The following CAPZB variants were observed in gnomAD, a reference collection of about 807,000 sequenced individuals.
CAPZB encodes the protein F-actin-capping protein subunit beta.
CAPZB carries 2 observed loss-of-function variants against 38.1 expected under a neutral mutation model. That is an observed-to-expected ratio of 0.05 (90% CI 0.02 to 0.17). The LOEUF is 0.17. Among genes scored for constraint, CAPZB ranks in the 10% least tolerant of loss-of-function variants. The pLI, the probability that CAPZB is intolerant of heterozygous loss-of-function variation, is 1.00. For missense variants in CAPZB, 161 were observed against 334.2 expected (o/e 0.48, Z 4.04); for synonymous variants, 107 against 127.4 (o/e 0.84, Z 1.08).
At chr1:19,374,004 C>T (rs2094132567) in intron 4 of CAPZB, among the ~76,000 whole-genome samples, 2 of 152,202 alleles carry the variant, frequency 1.3e-5, no homozygotes, top group African/African-American at 4.8e-5. Context: ...AAGGACAAAG[C>T]TAATGGGTTA....
At chr1:19,461,190 G>A (rs1018091948) in intron 1 of CAPZB, among the ~76,000 whole-genome samples, 5 of 152,126 alleles carry the variant, frequency 3.3e-5, no homozygotes, top group Admixed American at 2.6e-4. Context: ...ATCTTCATAT[G>A]GGCTTAGAGA....
chr1:19,450,211 A>G (rs1319929566), intron 1 of CAPZB, among the ~76,000 whole-genome samples: 1 of 147,726 alleles, frequency 6.8e-6, no homozygotes, highest in Admixed American at 6.7e-5. Context: ...AATACAATAC[A>G]TGGAAATAGT....
chr1:19,479,888 G>C (rs996169899), intron 1 of CAPZB, among the ~76,000 whole-genome samples: 6 of 152,048 alleles, frequency 3.9e-5, no homozygotes, highest in Non-Finnish European at 5.9e-5. Context: ...GCACCCCATG[G>C]GCTCGCATCT....
At chr1:19,466,527 C>G (rs2094569766) in intron 1 of CAPZB, among the ~76,000 whole-genome samples, 2 of 152,170 alleles carry the variant, frequency 1.3e-5, no homozygotes, top group Non-Finnish European at 2.9e-5. Context: ...GAATGGCATC[C>G]TGCAGTCACT....
At chr1:19,377,017 C>G (rs990861071) in intron 4 of CAPZB, among the ~76,000 whole-genome samples, 1 of 152,242 alleles carries the variant, frequency 6.6e-6, no homozygotes, top group Non-Finnish European at 1.5e-5. Context: ...TGGAGGCCCA[C>G]TTGCATGGCC....
chr1:19,378,501 C>T, intron 4 of CAPZB, 39 bp downstream of exon 4: 1 of 1,176,860 alleles, frequency 8.5e-7, no homozygotes, highest in Non-Finnish European at 1.3e-6. Flanking sequence ...CCTCTCAAAA[C>T]TCACAAGCGC....
At chr1:19,427,980 C>A (rs566514392) in intron 1 of CAPZB, among the ~76,000 whole-genome samples, 1 of 152,324 alleles carries the variant, frequency 6.6e-6, no homozygotes, top group South Asian at 2.1e-4. Flanking sequence ...TAGAGACAAA[C>A]ACAAAACCCT....
chr1:19,348,265 T>TC (rs2093972933), intron 6 of CAPZB, among the ~76,000 whole-genome samples: 1 of 152,052 alleles, frequency 6.6e-6, no homozygotes, highest in African/African-American at 2.4e-5. Context: ...AGGGCACTTT[T>TC]TTTTTTTTAA....
At chr1:19,484,233 A>T (rs1468687913) in intron 1 of CAPZB, 1 of 1,612,658 alleles carries the variant, frequency 6.2e-7, no homozygotes, top group South Asian at 1.1e-5. Context: ...AACCCTTGCA[A>T]GCTGACAGTT....
intron 1 of CAPZB, among the ~76,000 whole-genome samples, chr1:19,460,622 C>G (rs2094548371): frequency 7.2e-6 from 1 of 138,308 alleles, no homozygotes; most frequent in South Asian, 2.3e-4. Flanking sequence ...GATGTTGCCC[C>G]GGCTGGTCTC....
intron 8 of CAPZB, among the ~76,000 whole-genome samples, chr1:19,340,017 A>G (rs1187390869): frequency 1.3e-5 from 2 of 152,208 alleles, no homozygotes; most frequent in Non-Finnish European, 2.9e-5. Flanking sequence ...GCTTCAGAAC[A>G]GCTACCCTGG....
At chr1:19,340,702 A>G (rs2093923274) in intron 8 of CAPZB, among the ~76,000 whole-genome samples, 1 of 152,220 alleles carries the variant, frequency 6.6e-6, no homozygotes, top group South Asian at 2.1e-4. Flanking sequence ...TCAAGGCTTA[A>G]AAAAGAAAAA....
intron 1 of CAPZB, among the ~76,000 whole-genome samples, chr1:19,467,621 T>A (rs1210891699): frequency 6.6e-6 from 1 of 152,198 alleles, no homozygotes; most frequent in Non-Finnish European, 1.5e-5. Context: ...TATCCCAGTA[T>A]GTGGGACAGG....
intron 2 of CAPZB, among the ~76,000 whole-genome samples, chr1:19,416,943 T>C (rs1202587243): frequency 6.7e-6 from 1 of 148,680 alleles, no homozygotes; most frequent in African/African-American, 2.5e-5. Flanking sequence ...ATATCAGTGG[T>C]AGATACGGCC....
intron 2 of CAPZB, among the ~76,000 whole-genome samples, chr1:19,408,848 G>C (rs1021705187): frequency 6.6e-6 from 1 of 152,228 alleles, no homozygotes; most frequent in Non-Finnish European, 1.5e-5. Context: ...AATGGACATA[G>C]TGCTTCCTTT....
At chr1:19,485,328 T>C in intron 1 of CAPZB, 108 bp downstream of exon 1, 2 of 769,026 alleles carry the variant, frequency 2.6e-6, no homozygotes, top group Non-Finnish European at 3.5e-6. Flanking sequence ...ACCCCGCCCC[T>C]CCCCCACCCC....
At chr1:19,421,064 TC>T (rs1430374918) in intron 1 of CAPZB, among the ~76,000 whole-genome samples, 1 of 151,634 alleles carries the variant, frequency 6.6e-6, no homozygotes, top group African/African-American at 2.4e-5. Flanking sequence ...GCAGATGGAG[TC>T]CCCAACACTA....
intron 2 of CAPZB, among the ~76,000 whole-genome samples, chr1:19,386,767 C>T (rs891807000): frequency 6.6e-6 from 1 of 152,224 alleles, no homozygotes; most frequent in Non-Finnish European, 1.5e-5. Flanking sequence ...CCCAGCACAA[C>T]TAAAGGACTG....
At chr1:19,472,949 C>T (rs887746449) in intron 1 of CAPZB, among the ~76,000 whole-genome samples, 12 of 151,998 alleles carry the variant, frequency 7.9e-5, no homozygotes, top group African/African-American at 2.7e-4. Flanking sequence ...GATCTCCTGA[C>T]CTCATGATCC....
Sources: allele counts gnomAD v4.1 joint callset (sites outside exome capture counted in the v4.1 genomes callset), GRCh38; gene constraint gnomAD v4.1.1; transcripts MANE v1.5; gene names NCBI Gene and HGNC (gene_info 2026-07-23, HGNC 2026-07-21).